The following FBXL17 variants were observed in gnomAD, a reference collection of about 807,000 sequenced individuals.
FBXL17 encodes the protein F-box/LRR-repeat protein 17.
In FBXL17, 22 loss-of-function variants were observed where a neutral mutation model predicts 66.2. That is an observed-to-expected ratio of 0.33 (90% CI 0.24 to 0.47). The LOEUF is 0.47. FBXL17 is among the 20% of genes least tolerant of loss of function. The pLI, the probability that FBXL17 is intolerant of heterozygous loss-of-function variation, is 1.00. For synonymous variants in FBXL17, 474 were observed against 400.5 expected (o/e 1.18, Z -2.19); for missense variants, 878 against 948.2 (o/e 0.93, Z 0.97).
chr5:108,329,175 A>G (rs1168193563), intron 4 of FBXL17, among the ~76,000 whole-genome samples: 1 of 152,120 alleles, frequency 6.6e-6, no homozygotes, highest in Non-Finnish European at 1.5e-5. Flanking sequence ...CTGGAAATAA[A>G]CCCTACAGGA....
intron 7 of FBXL17, among the ~76,000 whole-genome samples, chr5:107,998,647 A>G (rs1753577420): frequency 6.6e-6 from 1 of 152,092 alleles, no homozygotes; most frequent in Non-Finnish European, 1.5e-5. Context: ...ACATATATGT[A>G]TATAAAATTT....
At chr5:107,957,173 C>A (rs971506066) in intron 7 of FBXL17, among the ~76,000 whole-genome samples, 2 of 151,888 alleles carry the variant, frequency 1.3e-5, no homozygotes, top group Non-Finnish European at 2.9e-5. Context: ...TTCCTTATAC[C>A]AGAAGTATAT....
At chr5:108,166,588 A>G (rs1752425805) in intron 6 of FBXL17, among the ~76,000 whole-genome samples, 1 of 152,256 alleles carries the variant, frequency 6.6e-6, no homozygotes, top group Admixed American at 6.5e-5. Context: ...ATATGTTAAC[A>G]AAGTGGACCC....
intron 6 of FBXL17, among the ~76,000 whole-genome samples, chr5:108,120,489 T>C (rs566729139): frequency 1.4e-4 from 21 of 152,322 alleles, no homozygotes; most frequent in African/African-American, 4.3e-4. Context: ...TCCTATATCA[T>C]TGAGAAAAAT....
At chr5:108,331,965 C>T (rs1246022434) in intron 4 of FBXL17, among the ~76,000 whole-genome samples, 2 of 152,120 alleles carry the variant, frequency 1.3e-5, no homozygotes, top group East Asian at 3.8e-4. Context: ...TAGAGAATAT[C>T]TTAAAAGTTA....
intron 4 of FBXL17, among the ~76,000 whole-genome samples, chr5:108,246,298 C>G (rs974172707): frequency 5.3e-5 from 8 of 152,124 alleles, no homozygotes; most frequent in Admixed American, 4.6e-4. Flanking sequence ...CCTTGGAGTT[C>G]AAGACCAGCC....
intron 8 of FBXL17, chr5:107,878,478 C>T (rs575297869): frequency 2.7e-5 from 18 of 662,124 alleles, no homozygotes; most frequent in African/African-American, 3.9e-5. Context: ...ATTTTGCAAA[C>T]GAGGGAACAG....
intron 6 of FBXL17, among the ~76,000 whole-genome samples, chr5:108,040,999 T>C (rs966553439): frequency 6.6e-6 from 1 of 152,220 alleles, no homozygotes; most frequent in Non-Finnish European, 1.5e-5. Flanking sequence ...TTGTAATGTA[T>C]GAATACAGAC....
intron 3 of FBXL17, among the ~76,000 whole-genome samples, chr5:108,361,160 G>T (rs886687811): frequency 1.3e-5 from 2 of 151,880 alleles, no homozygotes; most frequent in African/African-American, 4.8e-5. Context: ...TGCATGCCTT[G>T]TAATTTATTG....
chr5:108,065,143 T>C lies in FBXL17; in HGVS notation c.1746-44142A>G, dbSNP rs375975445. ...AGTGAATTTGCAAATATATGCCATG[T>C]GTGTGTATGTATGTGTGTGTATGTA... is the stretch of plus-strand genomic sequence containing the variant. On this transcript the variant is annotated intron_variant, in intron 6 of 8. Coordinates refer to ENST00000542267, the MANE Select transcript of FBXL17 (RefSeq NM_001163315.3). Among the ~76,000 whole-genome samples, 17 of 152,228 alleles carry C rather than the reference T, an allele frequency of 1.1e-4. No individual in the cohort carries two copies. The East Asian group carries it at 1.5e-3, about 14-fold the overall frequency.
At chr5:108,019,652 T>TACACAC (rs1040561303) in intron 7 of FBXL17, among the ~76,000 whole-genome samples, 20 of 150,690 alleles carry the variant, frequency 1.3e-4, no homozygotes, top group Non-Finnish European at 2.8e-4. Flanking sequence ...AATACACACA[T>TACACAC]ACACACACAC....
intron 1 of FBXL17, among the ~76,000 whole-genome samples, chr5:108,373,776 GC>G (rs1749227743): frequency 6.6e-6 from 1 of 152,080 alleles, no homozygotes; most frequent in Non-Finnish European, 1.5e-5. Flanking sequence ...AAATTAGCCA[GC>G]CATAGTGGTA....
chr5:108,258,931 G>GTA, intron 4 of FBXL17, among the ~76,000 whole-genome samples: 1 of 151,926 alleles, frequency 6.6e-6, no homozygotes, highest in East Asian at 1.9e-4. Context: ...GATAAAGCTA[G>GTA]ACATAATAAA....
chr5:108,169,605 C>A (rs1752533794), intron 6 of FBXL17, among the ~76,000 whole-genome samples: 1 of 152,078 alleles, frequency 6.6e-6, no homozygotes, highest in Non-Finnish European at 1.5e-5. Flanking sequence ...GTCAGTTAGG[C>A]TAAAACTGAA....
intron 7 of FBXL17, among the ~76,000 whole-genome samples, chr5:107,923,394 G>A (rs1750387810): frequency 6.6e-6 from 1 of 152,098 alleles, no homozygotes; most frequent in Non-Finnish European, 1.5e-5. Flanking sequence ...GGGAATGGCT[G>A]CGATATAGGC....
At chr5:108,261,270 G>C (rs2150125898) in intron 4 of FBXL17, among the ~76,000 whole-genome samples, 1 of 151,346 alleles carries the variant, frequency 6.6e-6, no homozygotes, top group Non-Finnish European at 1.5e-5. Context: ...AGAAGAGGGA[G>C]GTTGACAGAC....
chr5:108,097,371 C>G (rs531720959), intron 6 of FBXL17, among the ~76,000 whole-genome samples: 1 of 152,310 alleles, frequency 6.6e-6, no homozygotes, highest in East Asian at 1.9e-4. Flanking sequence ...ATATATATTA[C>G]TTGGACAAAA....
chr5:108,367,978 T>A (rs895133181), intron 1 of FBXL17, 25 bp from the exon 2 acceptor site: 24 of 1,540,644 alleles, frequency 1.6e-5, no homozygotes, highest in Middle Eastern at 3.4e-4. Context: ...CGGTACCATA[T>A]AATATGTGCT....
chr5:107,880,777 T>C lies in FBXL17; in HGVS notation c.1965+260A>G, dbSNP rs149752969. 276 of 1,324,108 alleles carry C rather than the reference T, an allele frequency of 2.1e-4. 2 individuals are homozygous for C. The East Asian group carries it at 5.6e-3, about 27-fold the overall frequency. 82.0% of individuals were successfully genotyped at this position (1,324,108 alleles called of 1,614,324 possible). A position where few individuals can be genotyped will look rare whatever the true frequency, so the allele number is the denominator to read the frequency against. ...GACTTATGAATAGGATGCCAAACTC[T>C]AGTTGACTATGTATATGATTACTTT... On this transcript the variant is annotated intron_variant, in intron 8 of 8. Transcript: ENST00000542267.
Sources: gnomAD v4.1 joint callset for allele counts (sites outside exome capture counted in the v4.1 genomes callset) on GRCh38, gnomAD v4.1.1 for gene constraint, MANE v1.5 for transcripts, NCBI Gene and HGNC (gene_info 2026-07-23, HGNC 2026-07-21) for gene names.